Variants in FOXN1 observed in about 807,000 individuals in gnomAD.
FOXN1 encodes the protein forkhead box protein N1.
Under a neutral mutation model 49.0 loss-of-function variants are expected in FOXN1, and 15 were observed. The ratio of observed to expected loss-of-function variants is 0.31; its 90% confidence interval spans 0.20 to 0.47. The LOEUF is 0.47. FOXN1 is among the 20% of genes least tolerant of loss of function. The pLI, the probability that FOXN1 is intolerant of heterozygous loss-of-function variation, is 1.00. For synonymous variants in FOXN1, 356 were observed against 369.0 expected, an observed-to-expected ratio of 0.96 and a Z score of 0.40; for missense variants, 800 against 842.8, an observed-to-expected ratio of 0.95 and a Z score of 0.63.
At chr17:28,513,415 A>G (rs1231880412) in intron 1 of FOXN1, among the ~76,000 whole-genome samples, 3 of 152,380 alleles carry the variant, frequency 2.0e-5, no homozygotes, top group East Asian at 3.9e-4. Flanking sequence ...ACATTCATCT[A>G]TCTGTCTGTT....
At chr17:28,526,254 G>T (rs1396582217) in intron 3 of FOXN1, among the ~76,000 whole-genome samples, 2 of 152,216 alleles carry the variant, frequency 1.3e-5, no homozygotes, top group African/African-American at 4.8e-5. Flanking sequence ...CAAATGAAGG[G>T]GTTGGACACA....
At chr17:28,517,031 G>C (rs1168462706) in intron 1 of FOXN1, among the ~76,000 whole-genome samples, 1 of 26,122 alleles carries the variant, frequency 3.8e-5, no homozygotes, top group African/African-American at 9.9e-5. Context: ...CAGGGTACAC[G>C]CCTCCACAGA....
intron 1 of FOXN1, among the ~76,000 whole-genome samples, chr17:28,515,865 G>C (rs1355921573): frequency 1.3e-5 from 2 of 149,392 alleles, no homozygotes; most frequent in African/African-American, 5.0e-5. Context: ...CCTCCACAGG[G>C]TACACACTTC....
At position 28,538,373 on chromosome 17, in the gene FOXN1, A is replaced by G. The variant is rs2070121883; in HGVS notation, c.*937A>G. The G allele has an allele frequency of 6.6e-6, 1 of 152,214 alleles. No individual in the cohort carries two copies. Among genetic ancestry groups the G allele is most frequent in the Non-Finnish European group, 1.5e-5 (1 of 68,040 alleles). 9.4% of individuals were successfully genotyped at this position (152,214 alleles called of 1,614,324 possible). A position where few individuals can be genotyped will look rare whatever the true frequency, so the allele number is the denominator to read the frequency against. On this transcript the variant is annotated 3_prime_UTR_variant, in exon 9 of 9. Transcript: ENST00000579795. The stretch of plus-strand genomic sequence containing the variant: ...ATGATGGTTCAACTTACACTTTTTC[A>G]ACTTTAAGATGGTGCAAAAGCAATA...
At chr17:28,520,375 T>C (rs979514769) in intron 1 of FOXN1, among the ~76,000 whole-genome samples, 1 of 152,206 alleles carries the variant, frequency 6.6e-6, no homozygotes, top group African/African-American at 2.4e-5. Flanking sequence ...GGAAAGTCAC[T>C]TTACCTGTTC....
At chr17:28,523,828 C>CTT (rs1183737059) in intron 1 of FOXN1, 128 bp from the exon 2 acceptor site, 2 of 648,456 alleles carry the variant, frequency 3.1e-6, no homozygotes, top group African/African-American at 4.1e-5. Flanking sequence ...CTCTCTCTCT[C>CTT]TCTCATCAGA....
rs1363498211 is a variant in FOXN1 at position 28,520,970 on chromosome 17, G to A, written c.-14-2986G>A. Among the ~76,000 whole-genome samples, 4 of 152,230 alleles carry A rather than the reference G, an allele frequency of 2.6e-5. No individual in the cohort carries two copies. In the East Asian group the frequency reaches 5.8e-4, roughly 22 times the overall value. The stretch of plus-strand genomic sequence containing the variant: ...CCAGGACTGCCAGGCCTGAGGCAAC[G>A]AGAGCATCAGAGAAGCTGTAGAGCC... On this transcript the variant is annotated intron_variant, in intron 1 of 8. Coordinates refer to ENST00000579795, the MANE Select transcript of FOXN1 (RefSeq NM_001369369.1).
chr17:28,536,748 T>A (rs1397728443), intron 8 of FOXN1, among the ~76,000 whole-genome samples: 1 of 152,142 alleles, frequency 6.6e-6, no homozygotes, highest in Non-Finnish European at 1.5e-5. Flanking sequence ...CTGCTTGATC[T>A]GGGCTGCAAA....
chr17:28,523,918 G>A, intron 1 of FOXN1, 38 bp from the exon 2 acceptor site: 1 of 1,612,184 alleles, frequency 6.2e-7, no homozygotes, highest in Non-Finnish European at 8.5e-7. Context: ...CCCACTGGAT[G>A]CTGGTCCTCA....
At chr17:28,506,723 C>T (rs1346853167) in intron 1 of FOXN1, among the ~76,000 whole-genome samples, 1 of 152,138 alleles carries the variant, frequency 6.6e-6, no homozygotes, top group Non-Finnish European at 1.5e-5. Flanking sequence ...TTGTGTGTGT[C>T]TCTGTGTGTT....
rs192146087 is a variant in FOXN1, at chr17:28,523,712, C to T, written c.-14-244C>T. Among the ~76,000 whole-genome samples, 11 of 152,320 alleles carry T rather than the reference C, an allele frequency of 7.2e-5. No individual in the cohort carries two copies. The East Asian group carries it at 2.1e-3, about 29-fold the overall frequency. On this transcript the variant is annotated intron_variant, in intron 1 of 8. Transcript: ENST00000579795. ...CCTCCTGAGGCTCCTACCTGGCTCACTTTGCCCTTTCTCCACAGGGGTCTG... is the reference window on the plus strand; with the variant it reads ...CCTCCTGAGGCTCCTACCTGGCTCATTTTGCCCTTTCTCCACAGGGGTCTG...
chr17:28,535,263 C>T (rs965028696), intron 8 of FOXN1, 65 bp downstream of exon 8: 49 of 1,548,124 alleles, frequency 3.2e-5, no homozygotes, highest in Admixed American at 1.5e-4. Context: ...CAGTGGGACT[C>T]ATCTTCTCCA....
At chr17:28,535,644 G>A (rs750113725) in intron 8 of FOXN1, among the ~76,000 whole-genome samples, 6 of 152,184 alleles carry the variant, frequency 3.9e-5, no homozygotes, top group African/African-American at 9.7e-5. Flanking sequence ...CCAGCTACTC[G>A]AGGCTAGAGA....
chr17:28,510,572 A>G (rs370322086), intron 1 of FOXN1, among the ~76,000 whole-genome samples: 10 of 111,990 alleles, frequency 8.9e-5, no homozygotes, highest in Non-Finnish European at 1.4e-4. Flanking sequence ...ACACACACGC[A>G]CACACACGCA....
chr17:28,515,885 A>T (rs2069483594), intron 1 of FOXN1, among the ~76,000 whole-genome samples: 2 of 143,392 alleles, frequency 1.4e-5, no homozygotes, highest in South Asian at 4.5e-4. Flanking sequence ...CCACAGGTGA[A>T]CATATCTCTA....
intron 1 of FOXN1, among the ~76,000 whole-genome samples, chr17:28,507,592 C>T (rs1050351443): frequency 5.9e-5 from 9 of 152,210 alleles, no homozygotes; most frequent in Non-Finnish European, 1.3e-4. Context: ...AGTTTCCTCA[C>T]AATCATGAAG....
At chr17:28,526,316 C>A (rs1265111426) in intron 3 of FOXN1, among the ~76,000 whole-genome samples, 2 of 152,230 alleles carry the variant, frequency 1.3e-5, no homozygotes, top group African/African-American at 2.4e-5. Context: ...GCAATCTCTG[C>A]ATCAACAACC....
intron 1 of FOXN1, among the ~76,000 whole-genome samples, chr17:28,510,840 G>T (rs1555606911): frequency 6.6e-6 from 1 of 152,188 alleles, no homozygotes; most frequent in Non-Finnish European, 1.5e-5. Context: ...TGCCTAAAGT[G>T]GGAAGGGTTT....
At position 28,537,864 on chromosome 17, in the gene FOXN1, A is replaced by T. The variant is rs547763063; in HGVS notation, c.*428A>T. ...CTGAGAGCTGAGCGCTTTGCTTACC[A>T]AAAGCTCAGGGCCCTGTGCCAGGCC... On this transcript the variant is annotated 3_prime_UTR_variant, in exon 9 of 9. Coordinates refer to ENST00000579795, the MANE Select transcript of FOXN1 (RefSeq NM_001369369.1). 2 of 278,394 alleles carry T rather than the reference A, an allele frequency of 7.2e-6. No individual in the cohort carries two copies. The highest frequency in any genetic ancestry group is 1.8e-4 in the East Asian group (2 of 11,174). 17.2% of individuals were successfully genotyped at this position (278,394 alleles called of 1,614,324 possible).
Sources: allele counts gnomAD v4.1 joint callset (sites outside exome capture counted in the v4.1 genomes callset), GRCh38; gene constraint gnomAD v4.1.1; transcripts MANE v1.5; gene names NCBI Gene and HGNC (gene_info 2026-07-23, HGNC 2026-07-21).